LRMDA: variants seen among roughly 807,000 people sequenced by gnomAD.
The protein encoded by LRMDA is leucine rich melanocyte differentiation associated.
In LRMDA, 18 loss-of-function variants were observed where a neutral mutation model predicts 29.8. The observed-to-expected ratio is 0.60, with a 90% CI of 0.42 to 0.90. LRMDA has a LOEUF of 0.90. Among genes scored for constraint, LRMDA ranks in the 40% least tolerant of loss-of-function variants. The probability of loss-of-function intolerance (pLI) is 0.00; values close to 1 mark genes in which losing one functional copy is unlikely to be tolerated. For synonymous variants in LRMDA, 125 were observed against 109.4 expected, an observed-to-expected ratio of 1.14 and a Z score of -0.89; for missense variants, 273 against 273.9, an observed-to-expected ratio of 1.00 and a Z score of 0.02.
At chr10:75,865,429 AAATT>A (rs1845003027) in intron 2 of LRMDA, among the ~76,000 whole-genome samples, 4 of 152,188 alleles carry the variant, frequency 2.6e-5, no homozygotes, top group South Asian at 2.1e-4. Context: ...AAATATGAAA[AAATT>A]AATCATGACT....
chr10:76,275,227 T>A (rs936667462), intron 5 of LRMDA, among the ~76,000 whole-genome samples: 1 of 152,104 alleles, frequency 6.6e-6, no homozygotes, highest in Non-Finnish European at 1.5e-5. Context: ...TGGATAAGTA[T>A]GAGGTCAGAC....
intron 2 of LRMDA, among the ~76,000 whole-genome samples, chr10:75,650,819 C>T (rs1049130554): frequency 6.6e-5 from 10 of 152,244 alleles, no homozygotes; most frequent in South Asian, 2.1e-4. Context: ...AGTCCCATGA[C>T]TAAACTGGAG....
At chr10:75,465,420 C>T (rs1844636309) in intron 2 of LRMDA, among the ~76,000 whole-genome samples, 1 of 152,198 alleles carries the variant, frequency 6.6e-6, no homozygotes, top group Non-Finnish European at 1.5e-5. Flanking sequence ...AGGCCAGATC[C>T]ACATGCAGAC....
At chr10:75,780,117 C>T (rs2132241937) in intron 2 of LRMDA, among the ~76,000 whole-genome samples, 1 of 152,230 alleles carries the variant, frequency 6.6e-6, no homozygotes, top group South Asian at 2.1e-4. Flanking sequence ...AGAGATTCTC[C>T]CCTAGGGCCT....
chr10:75,985,159 G>A (rs1176915992), intron 2 of LRMDA, among the ~76,000 whole-genome samples: 1 of 152,026 alleles, frequency 6.6e-6, no homozygotes, highest in African/African-American at 2.4e-5. Flanking sequence ...AGAATTCTGA[G>A]AAACGATGGA....
intron 5 of LRMDA, among the ~76,000 whole-genome samples, chr10:76,147,518 C>T (rs1278362750): frequency 6.6e-6 from 1 of 152,120 alleles, no homozygotes; most frequent in Non-Finnish European, 1.5e-5. Context: ...GCTCTCGTGC[C>T]TTGGTTTTCA....
intron 5 of LRMDA, among the ~76,000 whole-genome samples, chr10:76,083,141 T>C (rs1849074590): frequency 6.6e-6 from 1 of 152,176 alleles, no homozygotes; most frequent in Non-Finnish European, 1.5e-5. Flanking sequence ...GGCTAGCCAA[T>C]TCTTAGAGAT....
chr10:75,525,569 CTTTTCTT>C (rs1234983289), intron 2 of LRMDA, among the ~76,000 whole-genome samples: 48 of 139,342 alleles, frequency 3.4e-4, no homozygotes, highest in African/African-American at 1.0e-3. Flanking sequence ...CTTTCTTTTT[CTTTTCTT>C]TTTCTTTCTT....
At chr10:75,644,445 A>T (rs1841490388) in intron 2 of LRMDA, among the ~76,000 whole-genome samples, 1 of 152,234 alleles carries the variant, frequency 6.6e-6, no homozygotes, top group Admixed American at 6.5e-5. Flanking sequence ...AGTTGTAAAA[A>T]TGAATCATAG....
chr10:75,932,614 A>G (rs557122273), intron 2 of LRMDA, among the ~76,000 whole-genome samples: 3 of 152,096 alleles, frequency 2.0e-5, no homozygotes, highest in South Asian at 2.1e-4. Flanking sequence ...TCTATCTCAA[A>G]CAAAACAAAC....
At chr10:75,874,239 G>A (rs1845160068) in intron 2 of LRMDA, among the ~76,000 whole-genome samples, 2 of 152,222 alleles carry the variant, frequency 1.3e-5, no homozygotes, top group Admixed American at 1.3e-4. Flanking sequence ...GCCAAGAAGA[G>A]TTAGAGAAGA....
chr10:76,145,040 G>A (rs969824809), intron 5 of LRMDA, among the ~76,000 whole-genome samples: 3 of 152,174 alleles, frequency 2.0e-5, no homozygotes, highest in Non-Finnish European at 4.4e-5. Flanking sequence ...CAGGGATGAA[G>A]CCCAGTTGAT....
intron 6 of LRMDA, among the ~76,000 whole-genome samples, chr10:76,382,357 C>A (rs1841602926): frequency 1.3e-5 from 2 of 152,170 alleles, no homozygotes; most frequent in Non-Finnish European, 2.9e-5. Flanking sequence ...TCACAACAAA[C>A]CTCGATGATT....
At chr10:76,305,003 G>A (rs372710332) in intron 5 of LRMDA, among the ~76,000 whole-genome samples, 12 of 152,186 alleles carry the variant, frequency 7.9e-5, no homozygotes, top group Admixed American at 5.2e-4. Flanking sequence ...GAATCACTAC[G>A]TTTTTAAGCA....
chr10:75,930,916 TCCCAGTACTGGGACATTTG>T (rs1846195139), intron 2 of LRMDA, among the ~76,000 whole-genome samples: 1 of 152,202 alleles, frequency 6.6e-6, no homozygotes, highest in African/African-American at 2.4e-5. Flanking sequence ...GCTTAGATTC[TCCCAGTACTGGGACATTTG>T]CCACATCCAG....
chr10:75,910,526 A>C (rs1253481021), intron 2 of LRMDA, among the ~76,000 whole-genome samples: 1 of 152,198 alleles, frequency 6.6e-6, no homozygotes, highest in Non-Finnish European at 1.5e-5. Context: ...CTGTCACTCT[A>C]GGAATGAAAT....
chr10:75,444,695 T>C (rs1421326237), intron 2 of LRMDA, among the ~76,000 whole-genome samples: 2 of 152,190 alleles, frequency 1.3e-5, no homozygotes, highest in African/African-American at 2.4e-5. Flanking sequence ...TTTTTTAAGA[T>C]AATTTTTATA....
At chr10:76,021,781 T>C (rs1168607291) in intron 2 of LRMDA, among the ~76,000 whole-genome samples, 1 of 152,186 alleles carries the variant, frequency 6.6e-6, no homozygotes, top group Non-Finnish European at 1.5e-5. Context: ...CTCATAAAAC[T>C]TTATATTCTC....
At chr10:75,800,190 T>C (rs1000979207) in intron 2 of LRMDA, among the ~76,000 whole-genome samples, 9 of 152,258 alleles carry the variant, frequency 5.9e-5, no homozygotes, top group Admixed American at 4.6e-4. Flanking sequence ...ATTTATGATT[T>C]GTATGTCTTC....
Sources: gnomAD v4.1 joint callset for allele counts (sites outside exome capture counted in the v4.1 genomes callset) on GRCh38, gnomAD v4.1.1 for gene constraint, MANE v1.5 for transcripts, NCBI Gene and HGNC (gene_info 2026-07-23, HGNC 2026-07-21) for gene names.